Variants in ERC2 observed in about 807,000 individuals in gnomAD.
The protein encoded by ERC2 is ELKS/RAB6-interacting/CAST family member 2.
Under a neutral mutation model 114.8 loss-of-function variants are expected in ERC2, and 42 were observed. That is an observed-to-expected ratio of 0.37 (90% CI 0.29 to 0.47). ERC2 has a LOEUF of 0.47. Among genes scored for constraint, ERC2 ranks in the 20% least tolerant of loss-of-function variants. The pLI is 0.99. For missense variants in ERC2, 939 were observed against 1,150.7 expected (o/e 0.82, Z 2.66); for synonymous variants, 454 against 425.5 (o/e 1.07, Z -0.82).
intron 13 of ERC2, among the ~76,000 whole-genome samples, chr3:55,903,901 T>C (rs1400261931): frequency 6.6e-6 from 1 of 152,158 alleles, no homozygotes; most frequent in Non-Finnish European, 1.5e-5. Flanking sequence ...ATGCCTAGAC[T>C]CACACACACA....
chr3:55,978,973 C>T (rs2069839314), intron 12 of ERC2, among the ~76,000 whole-genome samples: 1 of 152,206 alleles, frequency 6.6e-6, no homozygotes, highest in Admixed American at 6.5e-5. Context: ...CAGAAGAGCA[C>T]CCACACTCAG....
intron 12 of ERC2, among the ~76,000 whole-genome samples, chr3:55,962,713 G>T (rs1228824689): frequency 6.6e-6 from 1 of 152,196 alleles, no homozygotes; most frequent in African/African-American, 2.4e-5. Flanking sequence ...TGAGGGAACC[G>T]TCGAAAGTTA....
At chr3:55,863,838 T>C (rs1334681435) in intron 14 of ERC2, among the ~76,000 whole-genome samples, 1 of 151,992 alleles carries the variant, frequency 6.6e-6, no homozygotes, top group African/African-American at 2.4e-5. Flanking sequence ...TTTTTGAAAC[T>C]GTGTGTGTTT....
chr3:55,826,387 T>C (rs1423231013), intron 14 of ERC2, among the ~76,000 whole-genome samples: 1 of 152,188 alleles, frequency 6.6e-6, no homozygotes, highest in African/African-American at 2.4e-5. Context: ...TCCAGGAGTC[T>C]ACCAGAATCT....
At chr3:55,676,190 T>A (rs1418241457) in intron 17 of ERC2, among the ~76,000 whole-genome samples, 1 of 151,954 alleles carries the variant, frequency 6.6e-6, no homozygotes, top group East Asian at 1.9e-4. Context: ...CCCAAAGTGC[T>A]TGGATTACAG....
At chr3:55,598,070 T>C (rs1038223740) in intron 17 of ERC2, among the ~76,000 whole-genome samples, 2 of 152,218 alleles carry the variant, frequency 1.3e-5, no homozygotes, top group Admixed American at 6.5e-5. Flanking sequence ...ATGGCCTCCA[T>C]GTCCCCTGCA....
At chr3:55,756,815 GTA>G (rs2067089818) in intron 14 of ERC2, among the ~76,000 whole-genome samples, 1 of 151,830 alleles carries the variant, frequency 6.6e-6, no homozygotes, top group Admixed American at 6.6e-5. Context: ...CCCTTCCTCT[GTA>G]CCCAAGACAA....
chr3:56,212,259 G>GA (rs2049111876), intron 3 of ERC2, among the ~76,000 whole-genome samples: 2 of 151,850 alleles, frequency 1.3e-5, no homozygotes, highest in South Asian at 4.1e-4. Flanking sequence ...AAATCAGCAG[G>GA]AAAAAACATA....
intron 2 of ERC2, among the ~76,000 whole-genome samples, chr3:56,415,838 G>A (rs2061129761): frequency 6.6e-6 from 1 of 152,168 alleles, no homozygotes; most frequent in African/African-American, 2.4e-5. Context: ...AGAACCACCA[G>A]CACAACAAAT....
At position 56,242,386 on chromosome 3, in the gene ERC2, A is replaced by C. The variant is rs1329973522; in HGVS notation, c.1074+53633T>G. 2.6e-5 allele frequency among the ~76,000 whole-genome samples: 4 copies of C among 152,314 alleles called. 1 individual carries two copies. Among genetic ancestry groups the C allele is most frequent in the Admixed American group, 2.6e-4 (4 of 15,296 alleles). On this transcript the variant is annotated intron_variant, in intron 3 of 17. Coordinates refer to ENST00000288221, the MANE Select transcript of ERC2 (RefSeq NM_015576.3). ...TGTACACTGCTCAGGTGACGGGTAT[A>C]CCAAAATCTCAGAAATCACCACTGA...
intron 2 of ERC2, among the ~76,000 whole-genome samples, chr3:56,347,419 G>A (rs1277394906): frequency 6.6e-6 from 1 of 151,988 alleles, no homozygotes; most frequent in Non-Finnish European, 1.5e-5. Context: ...TGGGAGGCTG[G>A]AGGAGGAAGG....
At chr3:55,629,010 T>G (rs143171887) in intron 17 of ERC2, among the ~76,000 whole-genome samples, 3 of 151,968 alleles carry the variant, frequency 2.0e-5, no homozygotes, top group Admixed American at 2.0e-4. Context: ...ATTTCACCAT[T>G]TGGGACTAAG....
intron 2 of ERC2, among the ~76,000 whole-genome samples, chr3:56,375,799 G>C (rs1038163395): frequency 6.6e-6 from 1 of 152,174 alleles, no homozygotes; most frequent in Non-Finnish European, 1.5e-5. Flanking sequence ...TGAACAGAAA[G>C]TAGGAAGTTA....
At chr3:56,320,956 C>T (rs374730937) in intron 2 of ERC2, among the ~76,000 whole-genome samples, 12 of 152,252 alleles carry the variant, frequency 7.9e-5, no homozygotes, top group South Asian at 2.1e-4. Context: ...TCAATGACTC[C>T]GGCCAAGTAG....
chr3:55,662,206 A>G (rs1464196347), intron 17 of ERC2, among the ~76,000 whole-genome samples: 1 of 152,254 alleles, frequency 6.6e-6, no homozygotes, highest in East Asian at 1.9e-4. Flanking sequence ...CATGTAGAAA[A>G]TTAAAATTCT....
intron 2 of ERC2, among the ~76,000 whole-genome samples, chr3:56,378,760 A>T (rs2059642174): frequency 6.6e-6 from 1 of 152,170 alleles, no homozygotes; most frequent in African/African-American, 2.4e-5. Flanking sequence ...ACAGGCTCCC[A>T]TTCCTGCCTT....
Position 56,434,852 on chromosome 3 carries a change from G to A in ERC2, c.156C>T (p.Leu52=), listed in dbSNP as rs765854517. Residue 52 remains leucine (L), a synonymous_variant, in exon 2 of 18, where the codon CTC becomes CTT. Coordinates refer to ENST00000288221, the MANE Select transcript of ERC2 (RefSeq NM_015576.3). The stretch of plus-strand genomic sequence containing the variant: ...GTCCAGACGTAGCATAGGCTGCATT[G>A]AGGGACTGGATATTCTCCATAGACA... ...KTLSMENIQS[L]NAAYATSGPM... 1.2e-6 allele frequency: 2 copies of A among 1,613,826 alleles called. No homozygotes were observed. The highest frequency in any genetic ancestry group is 3.3e-5 in the Admixed American group (2 of 60,014).
intron 14 of ERC2, among the ~76,000 whole-genome samples, chr3:55,885,093 C>G (rs1274729106): frequency 6.6e-6 from 1 of 152,150 alleles, no homozygotes; most frequent in Non-Finnish European, 1.5e-5. Context: ...CATCACACAG[C>G]CTCTCCCTTC....
chr3:56,181,213 T>A (rs1055715038), intron 3 of ERC2, among the ~76,000 whole-genome samples: 1 of 152,216 alleles, frequency 6.6e-6, no homozygotes, highest in Non-Finnish European at 1.5e-5. Context: ...GTTTTAGGTA[T>A]CTTAAATGCG....
Sources: allele counts gnomAD v4.1 joint callset (sites outside exome capture counted in the v4.1 genomes callset), GRCh38; gene constraint gnomAD v4.1.1; transcripts MANE v1.5; gene names NCBI Gene and HGNC (gene_info 2026-07-23, HGNC 2026-07-21).